DRC9: variants seen among roughly 807,000 people sequenced by gnomAD.
The protein encoded by DRC9 is dynein regulatory complex protein 9.
At chr3:197,936,950 C>T in the DRC9 span, among the ~76,000 whole-genome samples, 3 of 152,204 alleles carry the variant, frequency 2.0e-5, no homozygotes, top group South Asian at 2.1e-4. Flanking sequence ...TGGTTAGGGT[C>T]GAATACCGAG....
the DRC9 span, chr3:197,891,394 T>G: frequency 1.1e-6 from 1 of 905,748 alleles, no homozygotes; most frequent in African/African-American, 1.6e-5. Context: ...AATGCTTTTG[T>G]GTTCCTCAGT....
chr3:197,954,212 TGACTTCTGAG>T, the DRC9 span: 2 of 1,574,364 alleles, frequency 1.3e-6, no homozygotes, highest in South Asian at 1.1e-5. Flanking sequence ...TGTTGTGCTT[TGACTTCTGAG>T]GACTTCTGTG....
chr3:197,937,199 G>A, the DRC9 span, among the ~76,000 whole-genome samples: 4,796 of 152,210 alleles, frequency 0.032, 279 homozygotes, highest in African/African-American at 0.11. Flanking sequence ...AGTTCTTAAC[G>A]TAATGTTACA....
At chr3:197,907,225 A>C in the DRC9 span, among the ~76,000 whole-genome samples, 1 of 152,304 alleles carries the variant, frequency 6.6e-6, no homozygotes, top group Non-Finnish European at 1.5e-5. Flanking sequence ...TGTCTTAGTA[A>C]AGAAGTGTCT....
chr3:197,958,162 G>A, the DRC9 span: 1 of 152,192 alleles, frequency 6.6e-6, no homozygotes, highest in Non-Finnish European at 1.5e-5. Flanking sequence ...TGAACTTCTA[G>A]GCTCAGACAA....
the DRC9 span, among the ~76,000 whole-genome samples, chr3:197,939,917 A>G: frequency 6.6e-6 from 1 of 152,126 alleles, no homozygotes; most frequent in African/African-American, 2.4e-5. Flanking sequence ...TCATGGCCTG[A>G]TTTACTGATT....
At chr3:197,926,833 G>A in the DRC9 span, among the ~76,000 whole-genome samples, 192 of 152,254 alleles carry the variant, frequency 1.3e-3, no homozygotes, top group African/African-American at 4.4e-3. Flanking sequence ...GGTCAGCCTT[G>A]CACTGGTTCT....
the DRC9 span, among the ~76,000 whole-genome samples, chr3:197,932,564 G>C: frequency 1.3e-5 from 2 of 151,692 alleles, no homozygotes; most frequent in African/African-American, 4.8e-5. Flanking sequence ...GAACCCGGGA[G>C]GTGGAGGTTG....
chr3:197,894,172 T>C, the DRC9 span, among the ~76,000 whole-genome samples: 9 of 152,220 alleles, frequency 5.9e-5, 1 homozygote, highest in Non-Finnish European at 1.3e-4. Context: ...TTCTCTAAGC[T>C]TCTGGTTCCC....
chr3:197,947,452 C>T, the DRC9 span, among the ~76,000 whole-genome samples: 1 of 152,206 alleles, frequency 6.6e-6, no homozygotes, highest in Non-Finnish European at 1.5e-5. Context: ...GACCCAACTA[C>T]AACTGCACTT....
the DRC9 span, among the ~76,000 whole-genome samples, chr3:197,907,198 A>G: frequency 6.6e-6 from 1 of 152,152 alleles, no homozygotes; most frequent in South Asian, 2.1e-4. Context: ...TGCTCCCCTC[A>G]CTATTCTATT....
At chr3:197,910,668 A>C in the DRC9 span, among the ~76,000 whole-genome samples, 3 of 152,086 alleles carry the variant, frequency 2.0e-5, no homozygotes, top group Non-Finnish European at 2.9e-5. Flanking sequence ...TTATTCATCC[A>C]ATAGGGTTAT....
At chr3:197,922,611 C>T in the DRC9 span, among the ~76,000 whole-genome samples, 2 of 152,062 alleles carry the variant, frequency 1.3e-5, no homozygotes, top group African/African-American at 4.8e-5. Flanking sequence ...GAGGCTGAAG[C>T]AGGAGAATCG....
chr3:197,952,162 G>GTTTT, the DRC9 span, among the ~76,000 whole-genome samples: 40 of 83,890 alleles, frequency 4.8e-4, 1 homozygote, highest in Admixed American at 8.1e-4. Context: ...AAAATTATGG[G>GTTTT]TTTTTTTTTT....
chr3:197,914,100 A>G, the DRC9 span: 1 of 1,441,732 alleles, frequency 6.9e-7, no homozygotes, highest in Non-Finnish European at 9.8e-7. Flanking sequence ...CATTCAGTTC[A>G]GTCAGCGGCT....
chr3:197,950,116 T>C, the DRC9 span: 91 of 1,231,584 alleles, frequency 7.4e-5, no homozygotes, highest in Non-Finnish European at 9.1e-5. Context: ...TTCTGGCGTT[T>C]GGAGAAGATG....
the DRC9 span, chr3:197,906,813 CTCA>C: frequency 6.6e-6 from 1 of 152,268 alleles, no homozygotes; most frequent in Non-Finnish European, 1.5e-5. Flanking sequence ...TGTGAACTGA[CTCA>C]GTCCTAAGAG....
At chr3:197,938,222 C>T in the DRC9 span, among the ~76,000 whole-genome samples, 1 of 150,306 alleles carries the variant, frequency 6.7e-6, no homozygotes, top group East Asian at 2.0e-4. Context: ...GAGGCTGAGG[C>T]AGGAGAATTG....
the DRC9 span, among the ~76,000 whole-genome samples, chr3:197,919,997 C>A: frequency 6.7e-6 from 1 of 149,388 alleles, no homozygotes; most frequent in South Asian, 2.1e-4. Context: ...GTCAAGAGTT[C>A]GAGACCAGCC....
Sources: gnomAD v4.1 joint callset for allele counts (sites outside exome capture counted in the v4.1 genomes callset) on GRCh38, gnomAD v4.1.1 for gene constraint, MANE v1.5 for transcripts, NCBI Gene and HGNC (gene_info 2026-07-23, HGNC 2026-07-21) for gene names.